The following HERC2 variants were observed in gnomAD, a reference collection of about 807,000 sequenced individuals.
The protein encoded by HERC2 is HECT and RLD domain containing E3 ubiquitin protein ligase 2.
HERC2 carries 102 observed loss-of-function variants against 537.7 expected under a neutral mutation model. The ratio of observed to expected loss-of-function variants is 0.19; its 90% CI spans 0.16 to 0.22. HERC2 has a LOEUF of 0.22. Ranked by LOEUF, HERC2 falls within the 10% of genes least tolerant of loss-of-function variation. HERC2 has a pLI of 1.00. For missense variants in HERC2, 4,236 were observed against 6,198.2 expected, an observed-to-expected ratio of 0.68 and a Z score of 10.63; for synonymous variants, 2,224 against 2,466.2, an observed-to-expected ratio of 0.90 and a Z score of 2.91.
At position 28,196,561 on chromosome 15, in the gene HERC2, C is replaced by T; in HGVS notation, c.8020G>A (p.Ala2674Thr). ...QSVGVVKAFS[A>T]NGKDIIVDFP... ...TCGACAATGATATCTTTTCCATTGG[C>T]ACTGAAAGCTAGGACAGAACAGAAA... The change falls in exon 51 of 93, where the codon GCC (alanine) becomes ACC (threonine). Residue 2674 changes from alanine (A) to threonine (T), a missense_variant. Around this residue, in one of 27 missense-constraint regions of HERC2, gnomAD observed 606 missense variants for 884.5 expected, o/e 0.69. Coordinates refer to ENST00000261609, the MANE Select transcript of HERC2 (RefSeq NM_004667.6). 1.2e-6 allele frequency: 2 copies of T among 1,605,838 alleles called. No homozygotes were observed. The highest frequency in any genetic ancestry group is 1.3e-5 in the African/African-American group (1 of 74,886).
chr15:28,306,314 G>C (rs1414944958), intron 2 of HERC2, among the ~76,000 whole-genome samples: 12 of 152,148 alleles, frequency 7.9e-5, no homozygotes, highest in Non-Finnish European at 2.9e-5. Flanking sequence ...TTTTCAGCAT[G>C]AATTTAAATG....
rs2140232260 is a variant in HERC2 at position 28,186,717 on chromosome 15, G to A, written c.8685C>T (p.Cys2895=). The A allele has an allele frequency of 6.2e-7, 1 of 1,613,848 alleles. No homozygotes were observed. Among genetic ancestry groups the A allele is most frequent in the Middle Eastern group, 1.6e-4 (1 of 6,062 alleles). ...HRYIEIAIKQ[C]RSSGIDCKIH... is the part of the protein sequence containing the mutation. ...TTTTACAATCGATTCCTGAGCTCCTGCACTGCTTTATAGCAATTTCAATAT... is the reference window on the plus strand; with the variant it reads ...TTTTACAATCGATTCCTGAGCTCCTACACTGCTTTATAGCAATTTCAATAT... Residue 2895 remains cysteine (C), a synonymous_variant, in exon 56 of 93, where the codon TGC becomes TGT. Transcript: ENST00000261609.
chr15:28,190,221 G>C (rs1896725039), intron 55 of HERC2: 1 of 135,434 alleles, frequency 7.4e-6, no homozygotes, highest in South Asian at 2.4e-4. Context: ...GGGTTTAACT[G>C]TGTTAGCCAG....
rs374551104 is a variant in HERC2, at chr15:28,113,197, C to G, written c.14106G>C (p.Gln4702His). The G allele has an allele frequency of 3.7e-6, 6 of 1,614,168 alleles. No homozygotes were observed. Among genetic ancestry groups the G allele is most frequent in the Middle Eastern group, 1.6e-4 (1 of 6,062 alleles). The change falls in exon 92 of 93, where the codon CAG (glutamine) becomes CAC (histidine). Residue 4702 changes from glutamine (Q) to histidine (H), a missense_variant. Transcript: ENST00000261609. The surrounding 1 kb of genome is among the most constrained non-coding windows in gnomAD (Gnocchi z 7.0). ...AGGACTCCATCACCTCCCAGAACCA[C>G]TGGATCAGCGATGCGGAAGGCTCGA... ...KGIEPSASLI[Q>H]WFWEVMESFS...
chr15:28,196,998 C>A (rs1415680860), intron 50 of HERC2, among the ~76,000 whole-genome samples: 1 of 152,216 alleles, frequency 6.6e-6, no homozygotes, highest in African/African-American at 2.4e-5. Context: ...ATAAGAGCAA[C>A]GTGTCACTCA....
At position 28,298,436 on chromosome 15, in the gene HERC2, T is replaced by A. The variant is rs1259516875; in HGVS notation, c.187+966A>T. On this transcript the variant is annotated intron_variant, in intron 3 of 92. Coordinates refer to ENST00000261609, the MANE Select transcript of HERC2 (RefSeq NM_004667.6). Reference sequence around the variant, plus strand: ...TCCCAAAGTGCTGGAATTACAGGCATGATCCACCACGCCCGATCCCCATGT... The same window carrying A: ...TCCCAAAGTGCTGGAATTACAGGCAAGATCCACCACGCCCGATCCCCATGT... 2.7e-5 allele frequency: 4 copies of A among 149,556 alleles called. No individual in the cohort carries two copies. The South Asian group carries it at 8.7e-4, about 33-fold the overall frequency. 9.3% of individuals were successfully genotyped at this position (149,556 alleles called of 1,614,324 possible). A position where few individuals can be genotyped will look rare whatever the true frequency, so the allele number is the denominator to read the frequency against.
rs1888882738 is a variant in HERC2, at chr15:28,121,486, A to G, written c.13189-57T>C. Reference sequence around the variant, plus strand: ...TCTGATATGGAAAGCATCACTCCTGAAGAAATCATCACATAGTTTTGTTTA... The same window carrying G: ...TCTGATATGGAAAGCATCACTCCTGGAGAAATCATCACATAGTTTTGTTTA... On this transcript the variant is annotated intron_variant, in intron 85 of 92. Transcript: ENST00000261609. The G allele has an allele frequency of 5.2e-6, 7 of 1,342,340 alleles. No individual in the cohort carries two copies. In the Admixed American group the frequency reaches 1.2e-4, roughly 23 times the overall value. The allele number at this position is 1,342,340 out of a possible 1,614,324, so 83.2% of individuals were successfully genotyped here.
At chr15:28,120,542 C>T (rs1888768910) in intron 86 of HERC2, among the ~76,000 whole-genome samples, 1 of 152,174 alleles carries the variant, frequency 6.6e-6, no homozygotes, top group Non-Finnish European at 1.5e-5. Flanking sequence ...TTGTTTTTAA[C>T]TGTGAGTTTA....
rs562317354 is a variant in HERC2 at position 28,214,352 on chromosome 15, A to C, written c.6359-80T>G. ...GAAAGGAGACGGCTACCCACCTCTA[A>C]GTGACGGCACTGCGCCGCTCTTCAC... is the stretch of plus-strand genomic sequence containing the variant. On this transcript the variant is annotated intron_variant, in intron 40 of 92. Transcript: ENST00000261609. 7 of 1,241,588 alleles carry C rather than the reference A, an allele frequency of 5.6e-6. No homozygotes were observed. In the South Asian group the frequency reaches 7.3e-5, roughly 13 times the overall value. The allele number at this position is 1,241,588 out of a possible 1,614,324, so 76.9% of individuals were successfully genotyped here. A position where few individuals can be genotyped will look rare whatever the true frequency, so the allele number is the denominator to read the frequency against.
chr15:28,290,000 C>T (rs1414295697), intron 4 of HERC2, among the ~76,000 whole-genome samples: 3 of 152,242 alleles, frequency 2.0e-5, no homozygotes, highest in African/African-American at 7.2e-5. Flanking sequence ...GGTCTCATCT[C>T]TCAGGCGGGG....
intron 35 of HERC2, among the ~76,000 whole-genome samples, chr15:28,227,270 G>A (rs1288915393): frequency 5.1e-5 from 7 of 136,218 alleles, no homozygotes; most frequent in Non-Finnish European, 8.9e-5. Context: ...GTGAGACTCC[G>A]TCTCAAAAAA....
chr15:28,155,601 G>T (rs569588825), intron 69 of HERC2, among the ~76,000 whole-genome samples: 3,637 of 138,906 alleles, frequency 0.026, 335 homozygotes, highest in African/African-American at 0.12. Flanking sequence ...TCGCCCACTT[G>T]TTGATGGGGT....
intron 37 of HERC2, among the ~76,000 whole-genome samples, chr15:28,219,755 G>A (rs1401598354): frequency 6.6e-6 from 1 of 152,190 alleles, no homozygotes; most frequent in Non-Finnish European, 1.5e-5. Context: ...TGTAGCCATG[G>A]GGGGCACTGC....
In HERC2 at chr15:28,201,481, G is replaced by A; in HGVS notation, c.7691C>T (p.Ala2564Val). 1 of 1,609,262 alleles carries A rather than the reference G, an allele frequency of 6.2e-7. No individual in the cohort carries two copies. The highest frequency in any genetic ancestry group is 8.5e-7 in the Non-Finnish European group (1 of 1,175,622). The change falls in exon 48 of 93, where the codon GCT (alanine) becomes GTT (valine). Residue 2564 changes from alanine to valine, a missense_variant. This residue lies in a region of HERC2 where 606 missense variants were observed against 884.5 expected (regional missense o/e 0.69). Coordinates refer to ENST00000261609, the MANE Select transcript of HERC2 (RefSeq NM_004667.6). ...CTGAATATTCTCTCTCACATATACA[G>A]CATAATCATCATTACTCAAGAAATC... ...RADFLSNDDY[A>V]VYVRENIQVG...
intron 37 of HERC2, among the ~76,000 whole-genome samples, 190 bp downstream of exon 37, chr15:28,220,261 TC>T (rs1900381473): frequency 6.6e-6 from 1 of 152,128 alleles, no homozygotes; most frequent in African/African-American, 2.4e-5. Context: ...GATCGCCGGA[TC>T]CCACAGCCAC....
chr15:28,191,292 A>G (rs1280146835), intron 53 of HERC2, 48 bp from the exon 54 acceptor site: 2 of 1,209,760 alleles, frequency 1.7e-6, no homozygotes, highest in Non-Finnish European at 2.4e-6. Flanking sequence ...AAATTCAGCT[A>G]TATTTTAGCT....
At chr15:28,313,071 C>T (rs2076988995) in intron 2 of HERC2, among the ~76,000 whole-genome samples, 1 of 151,888 alleles carries the variant, frequency 6.6e-6, no homozygotes, top group Non-Finnish European at 1.5e-5. Flanking sequence ...TCGCTTCCCA[C>T]CAACACCATA....
chr15:28,213,684 G>A, intron 42 of HERC2, 58 bp downstream of exon 42: 3 of 1,611,612 alleles, frequency 1.9e-6, no homozygotes, highest in Non-Finnish European at 2.5e-6. Flanking sequence ...CTGGTGCTCG[G>A]TTCTAGTGTA....
intron 10 of HERC2, 112 bp downstream of exon 10, chr15:28,270,583 A>T: frequency 9.7e-7 from 1 of 1,030,022 alleles, no homozygotes; most frequent in Non-Finnish European, 1.4e-6. Flanking sequence ...ACCACAGGCC[A>T]GCTCCCCCTA....
Sources: gnomAD v4.1 joint callset for allele counts (sites outside exome capture counted in the v4.1 genomes callset) on GRCh38, gnomAD v4.1.1 for gene constraint, gnomAD v4.1.1 regional missense constraint, Gnocchi (gnomAD v3.1) non-coding constraint, MANE v1.5 for transcripts, NCBI Gene and HGNC (gene_info 2026-07-23, HGNC 2026-07-21) for gene names.